The following EYS variants were observed in gnomAD, a reference collection of about 807,000 sequenced individuals.
EYS encodes EGF-like photoreceptor maintenance factor, also known as protein eyes shut homolog.
EYS carries 250 observed loss-of-function variants against 282.1 expected under a neutral mutation model. The ratio of observed to expected loss-of-function variants is 0.89; its 90% CI spans 0.80 to 0.98. The LOEUF (loss-of-function observed/expected upper bound fraction) is 0.98, where lower values mean the gene tolerates loss of function less well. Among genes scored for constraint, EYS ranks in the 50% least tolerant of loss-of-function variants. The pLI is 0.00. For missense variants in EYS, 4,016 were observed against 3,709.0 expected (o/e 1.08, Z -2.15); for synonymous variants, 1,355 against 1,282.9 (o/e 1.06, Z -1.20).
At chr6:63,956,820 A>G (rs1765845642) in intron 35 of EYS, among the ~76,000 whole-genome samples, 1 of 152,168 alleles carries the variant, frequency 6.6e-6, no homozygotes, top group African/African-American at 2.4e-5. Flanking sequence ...AAAAAAGTTT[A>G]AAATTTTCCC....
Position 64,274,112 on chromosome 6 carries a change from G to T in EYS, c.6191+32858C>A, listed in dbSNP as rs553174905. On this transcript the variant is annotated intron_variant, in intron 30 of 42. Coordinates refer to ENST00000503581, the MANE Select transcript of EYS (RefSeq NM_001142800.2). ...TATAACCTTTAAGTGACGGTCCACA[G>T]GTATTCACTTTCAGGTCTATACGCT... 2.6e-5 allele frequency among the ~76,000 whole-genome samples: 4 copies of T among 152,260 alleles called. No homozygotes were observed. The South Asian group carries it at 8.3e-4, about 32-fold the overall frequency.
At chr6:65,296,764 A>C (rs1376375404) in intron 11 of EYS, among the ~76,000 whole-genome samples, 1 of 151,846 alleles carries the variant, frequency 6.6e-6, no homozygotes, top group Non-Finnish European at 1.5e-5. Context: ...ATTTTCCCAT[A>C]GTAATTTCAA....
chr6:64,205,457 C>A (rs970336122), intron 31 of EYS, among the ~76,000 whole-genome samples: 10 of 152,106 alleles, frequency 6.6e-5, no homozygotes, highest in Non-Finnish European at 1.3e-4. Context: ...CTTGAGGCCA[C>A]TGAAGGCAGT....
At chr6:63,795,216 C>T (rs1770614527) in intron 37 of EYS, among the ~76,000 whole-genome samples, 1 of 152,136 alleles carries the variant, frequency 6.6e-6, no homozygotes, top group African/African-American at 2.4e-5. Flanking sequence ...TTGGTTAGAG[C>T]AAATCTCATG....
At chr6:63,813,172 G>A (rs1455237223) in intron 36 of EYS, among the ~76,000 whole-genome samples, 1 of 151,956 alleles carries the variant, frequency 6.6e-6, no homozygotes, top group African/African-American at 2.4e-5. Context: ...TAGAGATGGG[G>A]TTTCACCGTG....
At chr6:64,432,959 A>C (rs1296648831) in intron 28 of EYS, among the ~76,000 whole-genome samples, 1 of 152,054 alleles carries the variant, frequency 6.6e-6, no homozygotes, top group Non-Finnish European at 1.5e-5. Flanking sequence ...TATTATGCCA[A>C]ACTGTATTTC....
At chr6:64,647,503 C>A (rs752053625) in intron 22 of EYS, among the ~76,000 whole-genome samples, 1 of 152,068 alleles carries the variant, frequency 6.6e-6, no homozygotes, top group African/African-American at 2.4e-5. Context: ...ATTAAATAAA[C>A]AAATAGCTAT....
intron 11 of EYS, among the ~76,000 whole-genome samples, chr6:65,328,258 G>T (rs949096501): frequency 6.6e-6 from 1 of 151,374 alleles, no homozygotes; most frequent in African/African-American, 2.4e-5. Context: ...GATGCCTCTA[G>T]AAGACAAAAT....
intron 5 of EYS, among the ~76,000 whole-genome samples, chr6:65,482,877 TA>T (rs1485807224): frequency 2.6e-5 from 4 of 152,186 alleles, no homozygotes; most frequent in African/African-American, 9.6e-5. Flanking sequence ...TTAGTGAAAC[TA>T]AAAACAGTTT....
At chr6:65,429,627 C>A (rs1767800237) in intron 5 of EYS, among the ~76,000 whole-genome samples, 1 of 151,976 alleles carries the variant, frequency 6.6e-6, no homozygotes, top group Non-Finnish European at 1.5e-5. Context: ...CACCAACCCT[C>A]CAGATTACAC....
At chr6:64,230,537 A>G (rs563469049) in intron 31 of EYS, 55 bp downstream of exon 31, 3 of 1,294,972 alleles carry the variant, frequency 2.3e-6, no homozygotes, top group South Asian at 2.7e-5. Context: ...ACTCCTGTCC[A>G]TTCTCTGGAG....
chr6:63,924,955 C>T (rs1764674682), intron 35 of EYS, among the ~76,000 whole-genome samples: 1 of 152,168 alleles, frequency 6.6e-6, no homozygotes, highest in African/African-American at 2.4e-5. Context: ...TTTTCTTCAC[C>T]ACTACCCGCA....
In EYS at chr6:64,350,457, T is replaced by C. The variant is rs982143692; in HGVS notation, c.6078+38233A>G. On this transcript the variant is annotated intron_variant, in intron 29 of 42. Transcript: ENST00000503581. ...CCCACTATCCAGTTATTGCAAATAA[T>C]TTTGATAGCATTTTCCCAGACTTTG... 1.2e-4 allele frequency among the ~76,000 whole-genome samples: 10 copies of C among 82,524 alleles called. No homozygotes were observed. In the East Asian group the frequency reaches 2.6e-3, roughly 22 times the overall value. 54.1% of individuals were successfully genotyped at this position (82,524 alleles called of 152,430 possible).
intron 2 of EYS, among the ~76,000 whole-genome samples, chr6:65,506,875 C>T (rs562505235): frequency 1.3e-5 from 2 of 152,230 alleles, no homozygotes; most frequent in African/African-American, 4.8e-5. Flanking sequence ...ATTTATCTCT[C>T]CTGATCTTTC....
intron 1 of EYS, among the ~76,000 whole-genome samples, chr6:65,700,545 C>T (rs1473398758): frequency 6.6e-6 from 1 of 152,070 alleles, no homozygotes; most frequent in Non-Finnish European, 1.5e-5. Flanking sequence ...AAATGTTTTT[C>T]TTTATCCTAC....
intron 7 of EYS, among the ~76,000 whole-genome samples, chr6:65,386,443 T>C (rs1765808278): frequency 6.6e-6 from 1 of 151,598 alleles, no homozygotes; most frequent in Non-Finnish European, 1.5e-5. Context: ...TCCTACTGAG[T>C]TTCAGGCAAT....
At chr6:64,365,821 C>G (rs892941852) in intron 29 of EYS, among the ~76,000 whole-genome samples, 1 of 152,078 alleles carries the variant, frequency 6.6e-6, no homozygotes, top group East Asian at 1.9e-4. Flanking sequence ...CTCTCTTCCT[C>G]TCAGAATACT....
intron 36 of EYS, among the ~76,000 whole-genome samples, chr6:63,825,859 A>T (rs1424555252): frequency 6.6e-6 from 1 of 152,152 alleles, no homozygotes; most frequent in East Asian, 1.9e-4. Context: ...CAAAAATCAC[A>T]CTAGTTCACC....
chr6:65,612,843 T>A (rs1766048247), intron 2 of EYS, among the ~76,000 whole-genome samples: 1 of 151,734 alleles, frequency 6.6e-6, no homozygotes, highest in Non-Finnish European at 1.5e-5. Flanking sequence ...GAATTGCTCA[T>A]CATATTTTCC....
Sources: allele counts gnomAD v4.1 joint callset (sites outside exome capture counted in the v4.1 genomes callset), GRCh38; gene constraint gnomAD v4.1.1; transcripts MANE v1.5; gene names NCBI Gene and HGNC (gene_info 2026-07-23, HGNC 2026-07-21).